ZNF804B: variants seen among roughly 807,000 people sequenced by gnomAD.
ZNF804B encodes zinc finger 804B.
In ZNF804B, 80 loss-of-function variants were observed where a neutral mutation model predicts 101.4. The ratio of observed to expected loss-of-function variants is 0.79; its 90% CI spans 0.66 to 0.95. ZNF804B has a LOEUF of 0.95. ZNF804B is among the 40% of genes least tolerant of loss of function. The pLI is 0.00. For missense variants in ZNF804B, 1,673 were observed against 1,561.9 expected (o/e 1.07, Z -1.20); for synonymous variants, 622 against 558.8 (o/e 1.11, Z -1.59).
chr7:89,293,241 C>G, intron 2 of ZNF804B, among the ~76,000 whole-genome samples: 1 of 151,456 alleles, frequency 6.6e-6, no homozygotes, highest in Admixed American at 6.6e-5. Flanking sequence ...ATGTATAATA[C>G]GTTATTAATA....
chr7:89,191,635 T>A (rs1356913384), intron 1 of ZNF804B, among the ~76,000 whole-genome samples: 2 of 152,158 alleles, frequency 1.3e-5, no homozygotes, highest in East Asian at 1.9e-4. Flanking sequence ...CTCTCTGTAA[T>A]GAATCATGAA....
intron 2 of ZNF804B, among the ~76,000 whole-genome samples, chr7:89,238,214 A>T (rs1043122270): frequency 6.6e-6 from 1 of 152,100 alleles, no homozygotes; most frequent in African/African-American, 2.4e-5. Context: ...GTTTATAGAA[A>T]TGTATATTTT....
chr7:89,047,721 A>G (rs927141914), intron 1 of ZNF804B, among the ~76,000 whole-genome samples: 2 of 152,188 alleles, frequency 1.3e-5, no homozygotes, highest in African/African-American at 4.8e-5. Context: ...TGGTGACAAC[A>G]GCATGAACTC....
chr7:89,332,734 A>C (rs1041145367), intron 3 of ZNF804B, among the ~76,000 whole-genome samples: 2 of 152,026 alleles, frequency 1.3e-5, no homozygotes, highest in East Asian at 1.9e-4. Context: ...GTGAGTAAGA[A>C]GCAGAAGAAA....
intron 1 of ZNF804B, among the ~76,000 whole-genome samples, chr7:88,813,840 T>A (rs1286269565): frequency 6.6e-6 from 1 of 152,224 alleles, no homozygotes; most frequent in African/African-American, 2.4e-5. Flanking sequence ...ATAGTTGTTA[T>A]ACACTTAACT....
chr7:89,203,631 A>G (rs138017054), intron 1 of ZNF804B, among the ~76,000 whole-genome samples: 2 of 152,266 alleles, frequency 1.3e-5, no homozygotes, highest in African/African-American at 4.8e-5. Flanking sequence ...CAACAGATAG[A>G]AGCCTGGAGC....
chr7:88,964,379 T>C (rs1173316934), intron 1 of ZNF804B, among the ~76,000 whole-genome samples: 1 of 151,422 alleles, frequency 6.6e-6, no homozygotes, highest in Non-Finnish European at 1.5e-5. Flanking sequence ...TAATACAACA[T>C]GGGTGAACCT....
chr7:89,057,278 C>T (rs56122211), intron 1 of ZNF804B, among the ~76,000 whole-genome samples: 3,622 of 152,070 alleles, frequency 0.024, 146 homozygotes, highest in African/African-American at 0.083. Flanking sequence ...TGACTTTCAG[C>T]GCCAAGAAAA....
intron 1 of ZNF804B, among the ~76,000 whole-genome samples, chr7:88,882,627 G>A (rs1241930692): frequency 6.6e-6 from 1 of 152,148 alleles, no homozygotes. Context: ...CAACCCAGGT[G>A]CCCATCAGTG....
At chr7:89,330,315 A>G (rs1790959669) in intron 3 of ZNF804B, among the ~76,000 whole-genome samples, 1 of 151,644 alleles carries the variant, frequency 6.6e-6, no homozygotes, top group South Asian at 2.1e-4. Flanking sequence ...GAGCATGATT[A>G]TCTTAGCTAA....
At chr7:89,227,216 T>C (rs1217510334) in intron 2 of ZNF804B, among the ~76,000 whole-genome samples, 1 of 152,230 alleles carries the variant, frequency 6.6e-6, no homozygotes, top group Non-Finnish European at 1.5e-5. Flanking sequence ...TGGGGATCCT[T>C]GTCTATCAGT....
intron 1 of ZNF804B, among the ~76,000 whole-genome samples, chr7:88,854,414 C>CCTTCCTTT (rs1232481883): frequency 4.6e-4 from 26 of 57,114 alleles, no homozygotes; most frequent in South Asian, 1.5e-3. Context: ...TTTCTTTCTT[C>CCTTCCTTT]CTTTCTTTCT....
intron 1 of ZNF804B, among the ~76,000 whole-genome samples, chr7:88,808,460 A>G (rs1232836048): frequency 6.6e-6 from 1 of 151,690 alleles, no homozygotes; most frequent in Non-Finnish European, 1.5e-5. Context: ...AGGCATTGTC[A>G]GTAAGTATTA....
intron 1 of ZNF804B, among the ~76,000 whole-genome samples, chr7:89,155,992 C>G (rs1233510360): frequency 2.3e-5 from 3 of 131,258 alleles, no homozygotes; most frequent in Admixed American, 8.0e-5. Flanking sequence ...CCTTCCTTTC[C>G]TTCTTTCTTT....
At chr7:89,329,276 C>T (rs1220648091) in intron 3 of ZNF804B, among the ~76,000 whole-genome samples, 1 of 151,516 alleles carries the variant, frequency 6.6e-6, no homozygotes, top group Non-Finnish European at 1.5e-5. Flanking sequence ...TTTTTTTTAT[C>T]GTCTACTGCC....
rs886559035 is a variant in ZNF804B, at chr7:88,905,519, G to A, written c.108+145435G>A. On this transcript the variant is annotated intron_variant, in intron 1 of 3. Coordinates refer to ENST00000333190, the MANE Select transcript of ZNF804B (RefSeq NM_181646.5). ...ATTACAGGCATCTGCCACCATCCCT[G>A]GCTAATTTTTTCTATTTTTAGTAGA... 2.0e-5 allele frequency among the ~76,000 whole-genome samples: 3 copies of A among 151,850 alleles called. No homozygotes were observed. The East Asian group carries it at 5.8e-4, about 29-fold the overall frequency.
intron 2 of ZNF804B, among the ~76,000 whole-genome samples, chr7:89,283,567 G>T (rs1169605089): frequency 1.3e-5 from 2 of 152,140 alleles, no homozygotes; most frequent in African/African-American, 4.8e-5. Context: ...GATCCCTGCT[G>T]TGTCACTTTT....
At chr7:88,870,957 G>T (rs1032914012) in intron 1 of ZNF804B, among the ~76,000 whole-genome samples, 1 of 152,058 alleles carries the variant, frequency 6.6e-6, no homozygotes, top group African/African-American at 2.4e-5. Flanking sequence ...TATTAATTGT[G>T]TTAATAAGAT....
intron 1 of ZNF804B, among the ~76,000 whole-genome samples, chr7:89,060,960 A>G (rs1789370810): frequency 6.6e-6 from 1 of 152,176 alleles, no homozygotes; most frequent in Non-Finnish European, 1.5e-5. Context: ...GGTCAATGTC[A>G]TCAAGATTTT....
Sources: allele counts gnomAD v4.1 joint callset (sites outside exome capture counted in the v4.1 genomes callset), GRCh38; gene constraint gnomAD v4.1.1; transcripts MANE v1.5; gene names NCBI Gene and HGNC (gene_info 2026-07-23, HGNC 2026-07-21).